BMPR1B: variants seen among roughly 807,000 people sequenced by gnomAD.
BMPR1B encodes the protein bone morphogenetic protein receptor type-1B.
BMPR1B carries 12 observed loss-of-function variants against 59.1 expected under a neutral mutation model. The observed-to-expected ratio is 0.20, with a 90% CI of 0.13 to 0.33. The LOEUF (loss-of-function observed/expected upper bound fraction) is 0.33, where lower values mean the gene tolerates loss of function less well. Among genes scored for constraint, BMPR1B ranks in the 10% least tolerant of loss-of-function variants. The probability of loss-of-function intolerance (pLI) is 1.00; values close to 1 mark genes in which losing one functional copy is unlikely to be tolerated. For synonymous variants in BMPR1B, 237 were observed against 207.3 expected (o/e 1.14, Z -1.23); for missense variants, 550 against 610.9 (o/e 0.90, Z 1.05).
rs371577033 is a variant in BMPR1B, at chr4:94,807,133, C to T, written c.-183+49065C>T. On this transcript the variant is annotated intron_variant, in intron 1 of 12. Transcript: ENST00000515059. ...TTTTAGAGACAGAGTCTCACTCTGT[C>T]ACTCATGTTGGAGTGCAGTGGTGTG... Among the ~76,000 whole-genome samples, 474 of 152,232 alleles carry T rather than the reference C, an allele frequency of 3.1e-3. 5 individuals carry two copies. The highest frequency in any genetic ancestry group is 0.011 in the African/African-American group (441 of 41,528).
chr4:94,925,932 A>T lies in BMPR1B; in HGVS notation c.-113+50032A>T, dbSNP rs182964305. On this transcript the variant is annotated intron_variant, in intron 2 of 12. Transcript: ENST00000515059. ...AGCAATCCAATTTCACGCAGCAAAG[A>T]TTACCTGCAAGGCACACATTTCTCC... Among the ~76,000 whole-genome samples, 867 of 152,048 alleles carry T rather than the reference A, an allele frequency of 5.7e-3. 10 individuals are homozygous for T. The highest frequency in any genetic ancestry group is 0.02 in the African/African-American group (822 of 41,492).
intron 1 of BMPR1B, among the ~76,000 whole-genome samples, chr4:94,871,852 A>C (rs951899616): frequency 6.6e-6 from 1 of 152,190 alleles, no homozygotes. Context: ...GTTTGTATGC[A>C]TTGCTGAAAT....
intron 3 of BMPR1B, among the ~76,000 whole-genome samples, chr4:95,061,577 A>G (rs1727400352): frequency 6.6e-6 from 1 of 152,228 alleles, no homozygotes; most frequent in South Asian, 2.1e-4. Context: ...AATTTTTATT[A>G]TCTACTTTTG....
At chr4:94,973,974 A>G (rs1301154991) in intron 2 of BMPR1B, among the ~76,000 whole-genome samples, 3 of 152,254 alleles carry the variant, frequency 2.0e-5, no homozygotes. Flanking sequence ...GACTCCAGTC[A>G]TATATCCAGA....
intron 2 of BMPR1B, among the ~76,000 whole-genome samples, chr4:94,931,710 C>T (rs751699984): frequency 1.3e-4 from 20 of 152,070 alleles, no homozygotes; most frequent in African/African-American, 3.6e-4. Flanking sequence ...ATTTCGTTCC[C>T]TAACTGTCTT....
chr4:94,857,087 A>G (rs1193288656), intron 1 of BMPR1B, among the ~76,000 whole-genome samples: 1 of 152,212 alleles, frequency 6.6e-6, no homozygotes, highest in Admixed American at 6.5e-5. Context: ...TCAGATTTCA[A>G]GAGAAGGATC....
At position 95,157,823 on chromosome 4, in the gene BMPR1B, T is replaced by C. The variant is rs1169439307; in HGVS notation, c.*3150T>C. On this transcript the variant is annotated 3_prime_UTR_variant, in exon 13 of 13. Coordinates refer to ENST00000515059, the MANE Select transcript of BMPR1B (RefSeq NM_001203.3). ...ATGAGGAAACAGGCCTTTGACCTCC[T>C]GGAAAGCACTGCTCAAAAGTCATTA... The C allele has an allele frequency of 6.6e-6, 1 of 152,150 alleles. No homozygotes were observed. Among genetic ancestry groups the C allele is most frequent in the Non-Finnish European group, 1.5e-5 (1 of 68,022 alleles). 9.4% of individuals were successfully genotyped at this position (152,150 alleles called of 1,614,324 possible). A position where few individuals can be genotyped will look rare whatever the true frequency, so the allele number is the denominator to read the frequency against.
chr4:95,052,816 A>G (rs1480162629), intron 3 of BMPR1B, among the ~76,000 whole-genome samples: 1 of 152,206 alleles, frequency 6.6e-6, no homozygotes, highest in Non-Finnish European at 1.5e-5. Context: ...ATATGAAGGA[A>G]TGATAGGTAT....
intron 1 of BMPR1B, among the ~76,000 whole-genome samples, chr4:94,803,050 G>GCTCATGGTTGCAAGTGATGAA (rs1723469989): frequency 6.6e-6 from 1 of 152,100 alleles, no homozygotes; most frequent in Non-Finnish European, 1.5e-5. Context: ...GACCTCCAGT[G>GCTCATGGTTGCAAGTGATGAA]CTCATGGTTG....
chr4:95,120,996 C>T (rs995955175), intron 6 of BMPR1B, among the ~76,000 whole-genome samples: 2 of 152,048 alleles, frequency 1.3e-5, no homozygotes, highest in African/African-American at 2.4e-5. Flanking sequence ...TTTGTAGAGA[C>T]GGGGTTTTGC....
At chr4:94,986,082 T>C (rs114063282) in intron 2 of BMPR1B, among the ~76,000 whole-genome samples, 1,597 of 152,296 alleles carry the variant, frequency 0.01, 28 homozygotes, top group African/African-American at 0.035. Flanking sequence ...CATAAGTATT[T>C]ATATAAAACA....
In BMPR1B at chr4:95,072,048, A is replaced by T. The variant is rs186135565; in HGVS notation, c.-17-32360A>T. Among the ~76,000 whole-genome samples the T allele has an allele frequency of 1.7e-3, 257 of 152,220 alleles. 2 individuals carry two copies. Among genetic ancestry groups the T allele is most frequent in the African/African-American group, 6.0e-3 (250 of 41,554 alleles). On this transcript the variant is annotated intron_variant, in intron 3 of 12. Transcript: ENST00000515059. ...CTCAGGACCTAGGAAATTGGATGGC[A>T]TGGTTTGAGGCAGAAGGCCAGCAAA...
At chr4:94,982,323 C>T (rs1361715112) in intron 2 of BMPR1B, among the ~76,000 whole-genome samples, 3 of 151,576 alleles carry the variant, frequency 2.0e-5, no homozygotes, top group Non-Finnish European at 2.9e-5. Flanking sequence ...ACAAAACAAA[C>T]AAACCAAATA....
chr4:95,146,307 T>C (rs148840949), intron 10 of BMPR1B, among the ~76,000 whole-genome samples: 1 of 152,322 alleles, frequency 6.6e-6, no homozygotes, highest in African/African-American at 2.4e-5. Context: ...TCAGAATCCT[T>C]GAGTGTATGT....
chr4:95,113,260 T>A (rs1396522042), intron 4 of BMPR1B, among the ~76,000 whole-genome samples: 1 of 152,178 alleles, frequency 6.6e-6, no homozygotes, highest in Non-Finnish European at 1.5e-5. Flanking sequence ...ACAATATTCA[T>A]GCTTTTTGAC....
intron 3 of BMPR1B, among the ~76,000 whole-genome samples, chr4:95,014,748 A>AT (rs1302089092): frequency 6.6e-6 from 1 of 152,158 alleles, no homozygotes; most frequent in Non-Finnish European, 1.5e-5. Flanking sequence ...AGATTTGTAG[A>AT]TTTTTACTAT....
In BMPR1B at chr4:94,764,225, A is replaced by C. The variant is rs548868185; in HGVS notation, c.-183+6157A>C. Among the ~76,000 whole-genome samples, 10 of 152,252 alleles carry C rather than the reference A, an allele frequency of 6.6e-5. No homozygotes were observed. The South Asian group carries it at 1.7e-3, about 25-fold the overall frequency. ...GCAGGGAAAATAACCTGGATGAACA[A>C]CTTTGACTTCCAAAAAACGTAGGTC... On this transcript the variant is annotated intron_variant, in intron 1 of 12. Transcript: ENST00000515059.
intron 10 of BMPR1B, among the ~76,000 whole-genome samples, chr4:95,140,241 G>C (rs370371385): frequency 2.0e-5 from 3 of 152,106 alleles, no homozygotes; most frequent in Non-Finnish European, 4.4e-5. Context: ...TGCGTTTCTA[G>C]TGCCTTTCCC....
intron 3 of BMPR1B, among the ~76,000 whole-genome samples, chr4:95,021,633 C>T (rs1017816741): frequency 6.6e-6 from 1 of 152,040 alleles, no homozygotes; most frequent in African/African-American, 2.4e-5. Flanking sequence ...TATTGGCTTC[C>T]TTATGTAATA....
Sources: allele counts gnomAD v4.1 joint callset (sites outside exome capture counted in the v4.1 genomes callset), GRCh38; gene constraint gnomAD v4.1.1; transcripts MANE v1.5; gene names NCBI Gene and HGNC (gene_info 2026-07-23, HGNC 2026-07-21).